SLC4A5: variants seen among roughly 807,000 people sequenced by gnomAD.
SLC4A5 encodes electrogenic sodium bicarbonate cotransporter 4.
In SLC4A5, 96 loss-of-function variants were observed where a neutral mutation model predicts 120.4. The observed-to-expected ratio is 0.80, with a 90% CI of 0.68 to 0.94. The LOEUF (loss-of-function observed/expected upper bound fraction) is 0.94, where lower values mean the gene tolerates loss of function less well. SLC4A5 is among the 40% of genes least tolerant of loss of function. The pLI is 0.00. For missense variants in SLC4A5, 1,259 were observed against 1,459.5 expected (o/e 0.86, Z 2.24); for synonymous variants, 550 against 571.1 (o/e 0.96, Z 0.53).
At chr2:74,225,710 G>A (rs1170782761) in intron 27 of SLC4A5, among the ~76,000 whole-genome samples, 1 of 152,188 alleles carries the variant, frequency 6.6e-6, no homozygotes, top group African/African-American at 2.4e-5. Flanking sequence ...TTCTGATTTA[G>A]CAGGTCAGGT....
intron 8 of SLC4A5, among the ~76,000 whole-genome samples, chr2:74,268,889 A>G (rs533637440): frequency 1.3e-5 from 2 of 152,314 alleles, no homozygotes; most frequent in African/African-American, 4.8e-5. Flanking sequence ...ATTTTGCATT[A>G]TCTATGTTTA....
intron 2 of SLC4A5, among the ~76,000 whole-genome samples, chr2:74,341,249 G>C (rs549183347): frequency 6.8e-6 from 1 of 146,202 alleles, no homozygotes; most frequent in South Asian, 2.1e-4. Context: ...AGGTTGCAGC[G>C]AGCCAATTAT....
At chr2:74,302,499 C>T (rs961265413) in intron 7 of SLC4A5, among the ~76,000 whole-genome samples, 1 of 152,162 alleles carries the variant, frequency 6.6e-6, no homozygotes, top group Non-Finnish European at 1.5e-5. Context: ...TGCCTGTAAT[C>T]CCAGCTACTC....
chr2:74,260,781 C>T (rs1233396385), intron 11 of SLC4A5, among the ~76,000 whole-genome samples: 1 of 152,192 alleles, frequency 6.6e-6, no homozygotes, highest in Non-Finnish European at 1.5e-5. Flanking sequence ...AGACAGAAAT[C>T]CGATCACAGC....
rs1055359660 is a variant in SLC4A5, at chr2:74,224,748, A to C, written c.3246+92T>G. 2.6e-6 allele frequency: 4 copies of C among 1,526,032 alleles called. No individual in the cohort carries two copies. In the African/African-American group the frequency reaches 4.2e-5, roughly 16 times the overall value. The allele number at this position is 1,526,032 out of a possible 1,614,324, so 94.5% of individuals were successfully genotyped here. ...CTGGGCCGAGGCACTGCTGCAGGCCACCCAAGAAGCCGCCCTCTCCCTGTC... is the reference window on the plus strand; with the variant it reads ...CTGGGCCGAGGCACTGCTGCAGGCCCCCCAAGAAGCCGCCCTCTCCCTGTC... On this transcript the variant is annotated intron_variant, in intron 28 of 30. Coordinates refer to ENST00000394019, the Ensembl canonical transcript of SLC4A5.
intron 30 of SLC4A5, among the ~76,000 whole-genome samples, chr2:74,219,199 G>A (rs1250629780): frequency 8.0e-6 from 1 of 125,206 alleles, no homozygotes; most frequent in East Asian, 2.0e-4. Flanking sequence ...GTGTGTGTGT[G>A]TGTGTGTGTG....
chr2:74,326,592 G>A (rs1382335265), intron 5 of SLC4A5, among the ~76,000 whole-genome samples: 5 of 152,224 alleles, frequency 3.3e-5, no homozygotes, highest in African/African-American at 1.2e-4. Context: ...AGGACGAGGC[G>A]GGCAGATCAC....
chr2:74,229,053 G>A (rs994721307), intron 25 of SLC4A5, among the ~76,000 whole-genome samples: 1 of 146,924 alleles, frequency 6.8e-6, no homozygotes, highest in Non-Finnish European at 1.5e-5. Flanking sequence ...AACACTAGGA[G>A]GGCTTTAGAG....
chr2:74,285,906 C>A lies in SLC4A5; in HGVS notation c.272-4G>T. ...AGCTGCTCAGCAGCTGGGGACCCTG[C>A]AAAAGAGGGGCAGCAGGTCTGCTGA... On this transcript the variant is annotated splice_region_variant and splice_polypyrimidine_tract_variant and intron_variant, in intron 7 of 30. Coordinates refer to ENST00000394019, the Ensembl canonical transcript of SLC4A5. 2 of 1,590,632 alleles carry A rather than the reference C, an allele frequency of 1.3e-6. No individual in the cohort carries two copies. The highest frequency in any genetic ancestry group is 1.7e-6 in the Non-Finnish European group (2 of 1,168,234).
exon 26 of SLC4A5, chr2:74,227,863 C>T: frequency 6.2e-7 from 1 of 1,609,672 alleles, no homozygotes; most frequent in Non-Finnish European, 8.5e-7. Context: ...CCGTACAGCA[C>T]CGGCAGGGGG....
chr2:74,239,808 T>A (rs114965037), intron 20 of SLC4A5, among the ~76,000 whole-genome samples: 1,809 of 64,694 alleles, frequency 0.028, 43 homozygotes, highest in African/African-American at 0.12. Context: ...CTGGCTCCCA[T>A]CAACCAACCA....
At chr2:74,279,976 C>T (rs1467500035) in intron 8 of SLC4A5, among the ~76,000 whole-genome samples, 1 of 152,158 alleles carries the variant, frequency 6.6e-6, no homozygotes, top group Admixed American at 6.5e-5. Context: ...CAAGTCTTGC[C>T]CCCTTTTATC....
chr2:74,239,526 G>A (rs1670371021), exon 21 of SLC4A5: 1 of 1,613,844 alleles, frequency 6.2e-7, no homozygotes, highest in African/African-American at 1.3e-5. Context: ...GTGAGGTTAA[G>A]GAGGTTGTAC....
chr2:74,231,275 G>A, exon 25 of SLC4A5: 1 of 1,612,674 alleles, frequency 6.2e-7, no homozygotes, highest in South Asian at 1.1e-5. Context: ...TTCCCGTCAG[G>A]ATGAAGACGA....
intron 7 of SLC4A5, among the ~76,000 whole-genome samples, chr2:74,300,210 T>C (rs1480596911): frequency 1.3e-5 from 2 of 152,224 alleles, no homozygotes; most frequent in Admixed American, 6.5e-5. Context: ...GGGTCGGATG[T>C]GGAAGATGGG....
At chr2:74,297,961 T>A (rs984348260) in intron 7 of SLC4A5, among the ~76,000 whole-genome samples, 1 of 152,208 alleles carries the variant, frequency 6.6e-6, no homozygotes. Context: ...ACCAATGACA[T>A]CTTATAAAGG....
At chr2:74,309,066 C>T (rs1319812828) in intron 6 of SLC4A5, among the ~76,000 whole-genome samples, 1 of 151,564 alleles carries the variant, frequency 6.6e-6, no homozygotes, top group Non-Finnish European at 1.5e-5. Context: ...AGGCATGCAT[C>T]ACCACACCCA....
chr2:74,228,803 A>G (rs1694947292), intron 25 of SLC4A5, among the ~76,000 whole-genome samples: 1 of 152,172 alleles, frequency 6.6e-6, no homozygotes, highest in Admixed American at 6.5e-5. Context: ...CTTCCCTCCA[A>G]ACTTGCACAC....
intron 7 of SLC4A5, among the ~76,000 whole-genome samples, chr2:74,286,328 A>G (rs114894008): frequency 0.014 from 2,103 of 152,252 alleles, 70 homozygotes; most frequent in African/African-American, 0.049. Context: ...GCCATGCAAA[A>G]GGACAGCTTG....
Sources: allele counts gnomAD v4.1 joint callset (sites outside exome capture counted in the v4.1 genomes callset), GRCh38; gene constraint gnomAD v4.1.1; transcripts MANE v1.5; gene names NCBI Gene and HGNC (gene_info 2026-07-23, HGNC 2026-07-21).